Variants in METTL24 observed in about 807,000 individuals in gnomAD.
The protein encoded by METTL24 is methyltransferase like 24.
METTL24 carries 29 observed loss-of-function variants against 32.7 expected under a neutral mutation model. The observed-to-expected ratio is 0.89, with a 90% confidence interval of 0.66 to 1.21. The LOEUF is 1.21. METTL24 is among the 50% of genes most tolerant of loss of function. METTL24 has a pLI of 0.00. For synonymous variants in METTL24, 163 were observed against 179.5 expected (o/e 0.91, Z 0.73); for missense variants, 439 against 468.1 (o/e 0.94, Z 0.57).
chr6:110,314,483 C>A (rs1357650278), intron 3 of METTL24, among the ~76,000 whole-genome samples: 2 of 152,144 alleles, frequency 1.3e-5, no homozygotes, highest in African/African-American at 4.8e-5. Context: ...AGGTCATTTT[C>A]AACCTGAATA....
chr6:110,346,078 A>G (rs1772466778), intron 1 of METTL24, among the ~76,000 whole-genome samples: 1 of 152,250 alleles, frequency 6.6e-6, no homozygotes, highest in Non-Finnish European at 1.5e-5. Flanking sequence ...AGCCACTGTT[A>G]CCTGAAGCAA....
intron 4 of METTL24, among the ~76,000 whole-genome samples, chr6:110,297,550 A>G (rs1170866049): frequency 1.3e-5 from 2 of 152,214 alleles, no homozygotes; most frequent in Admixed American, 6.5e-5. Context: ...AAGAATAAGT[A>G]GTTAACTCTT....
chr6:110,254,003 C>T lies in METTL24; in HGVS notation c.787-7743G>A, dbSNP rs1001414036. On this transcript the variant is annotated intron_variant, in intron 4 of 4. Coordinates refer to ENST00000338882, the MANE Select transcript of METTL24 (RefSeq NM_001123364.3). ...CTCAAGAGCAGCTCCCCTTTGATCT[C>T]CTTGACATATTTGGAATCCCTCACA... 21 of 1,281,574 alleles carry T rather than the reference C, an allele frequency of 1.6e-5. No homozygotes were observed. The Middle Eastern group carries it at 2.4e-3, about 145-fold the overall frequency. 79.4% of individuals were successfully genotyped at this position (1,281,574 alleles called of 1,614,324 possible). A position where few individuals can be genotyped will look rare whatever the true frequency, so the allele number is the denominator to read the frequency against.
intron 1 of METTL24, 28 bp downstream of exon 1, chr6:110,357,927 G>T (rs1772730511): frequency 1.7e-6 from 2 of 1,197,418 alleles, no homozygotes; most frequent in Non-Finnish European, 2.1e-6. Context: ...CTGGTCCCAG[G>T]CCCAAGACCG....
At chr6:110,311,477 T>G (rs55853485) in intron 3 of METTL24, among the ~76,000 whole-genome samples, 19,786 of 135,834 alleles carry the variant, frequency 0.15, 1,769 homozygotes, top group South Asian at 0.25. Context: ...TGTTTTTTTT[T>G]TTTTTTTTTT....
intron 4 of METTL24, among the ~76,000 whole-genome samples, chr6:110,275,622 C>T (rs1364855619): frequency 6.6e-6 from 1 of 152,156 alleles, no homozygotes; most frequent in East Asian, 1.9e-4. Flanking sequence ...ACCATGATGT[C>T]TTTTTGGGCA....
At chr6:110,266,374 T>C (rs1184003590) in intron 4 of METTL24, among the ~76,000 whole-genome samples, 4 of 152,014 alleles carry the variant, frequency 2.6e-5, no homozygotes, top group African/African-American at 7.3e-5. Flanking sequence ...AAGTGGTTAG[T>C]GGATGTGCGA....
chr6:110,263,394 C>T (rs1770787940), intron 4 of METTL24, among the ~76,000 whole-genome samples: 1 of 152,112 alleles, frequency 6.6e-6, no homozygotes, highest in Non-Finnish European at 1.5e-5. Context: ...AATAGAATAC[C>T]TAGGAATCCA....
At chr6:110,333,522 C>T (rs142901671) in intron 1 of METTL24, among the ~76,000 whole-genome samples, 20 of 152,184 alleles carry the variant, frequency 1.3e-4, no homozygotes, top group Middle Eastern at 3.4e-3. Context: ...GACATGATCT[C>T]GGCTCACTAC....
intron 4 of METTL24, among the ~76,000 whole-genome samples, chr6:110,270,837 C>CTTTTTT (rs3075091): frequency 4.8e-5 from 6 of 124,728 alleles, no homozygotes; most frequent in Non-Finnish European, 1.0e-4. Context: ...CATCTTGATT[C>CTTTTTT]TTTTTTTTTT....
chr6:110,330,323 T>G (rs1772091351), intron 1 of METTL24, among the ~76,000 whole-genome samples: 1 of 152,172 alleles, frequency 6.6e-6, no homozygotes, highest in South Asian at 2.1e-4. Context: ...ATTGACTATG[T>G]CTGTCTCTCT....
At chr6:110,246,384 T>C (rs1334876935) in intron 4 of METTL24, 124 bp from the exon 5 acceptor site, 1 of 777,832 alleles carries the variant, frequency 1.3e-6, no homozygotes. Flanking sequence ...GAGGGTGGTT[T>C]TCAAGTGGCC....
At chr6:110,332,964 C>G (rs1354595284) in intron 1 of METTL24, among the ~76,000 whole-genome samples, 2 of 151,638 alleles carry the variant, frequency 1.3e-5, no homozygotes, top group Non-Finnish European at 2.9e-5. Context: ...TAGAAAAACA[C>G]TAACCATATT....
intron 4 of METTL24, among the ~76,000 whole-genome samples, chr6:110,271,101 C>A (rs1770950917): frequency 6.6e-6 from 1 of 151,820 alleles, no homozygotes; most frequent in Admixed American, 6.6e-5. Context: ...CTCAGATGAT[C>A]CACCGAACTT....
At chr6:110,330,839 G>A (rs189937680) in intron 1 of METTL24, among the ~76,000 whole-genome samples, 10 of 152,204 alleles carry the variant, frequency 6.6e-5, no homozygotes, top group African/African-American at 1.9e-4. Context: ...AACAAAACTC[G>A]GCCTTATAAT....
At chr6:110,286,207 C>A (rs898409276) in intron 4 of METTL24, among the ~76,000 whole-genome samples, 7 of 152,140 alleles carry the variant, frequency 4.6e-5, no homozygotes, top group Non-Finnish European at 8.8e-5. Flanking sequence ...CTCCTGACCC[C>A]CGTCTTGTTT....
At chr6:110,287,228 A>T (rs1187884884) in intron 4 of METTL24, among the ~76,000 whole-genome samples, 1 of 152,218 alleles carries the variant, frequency 6.6e-6, no homozygotes, top group African/African-American at 2.4e-5. Context: ...AAACAAAAAC[A>T]AAAACAACAA....
chr6:110,270,499 A>G (rs73537987), intron 4 of METTL24, among the ~76,000 whole-genome samples: 1,668 of 152,228 alleles, frequency 0.011, 18 homozygotes, highest in African/African-American at 0.037. Flanking sequence ...CACCTTCCCA[A>G]AATAAAATGT....
intron 1 of METTL24, among the ~76,000 whole-genome samples, chr6:110,346,661 C>T (rs950361551): frequency 1.3e-5 from 2 of 152,144 alleles, no homozygotes; most frequent in African/African-American, 4.8e-5. Flanking sequence ...TGTGCCATCA[C>T]GCCCAGCTAA....
Sources: allele counts gnomAD v4.1 joint callset (sites outside exome capture counted in the v4.1 genomes callset), GRCh38; gene constraint gnomAD v4.1.1; transcripts MANE v1.5; gene names NCBI Gene and HGNC (gene_info 2026-07-23, HGNC 2026-07-21).